RGPD4: variants seen among roughly 807,000 people sequenced by gnomAD.
RGPD4 encodes the protein ranBP2-like and GRIP domain-containing protein 4.
A neutral mutation model predicts 141.1 loss-of-function variants in RGPD4; 84 were observed. That is an observed-to-expected ratio of 0.60 (90% CI 0.50 to 0.71). The LOEUF is 0.71. Ranked by LOEUF, RGPD4 falls within the 30% of genes least tolerant of loss-of-function variation. The probability of loss-of-function intolerance (pLI) is 0.00; values close to 1 mark genes in which losing one functional copy is unlikely to be tolerated. For missense variants in RGPD4, 918 were observed against 1,622.4 expected (o/e 0.57, Z 7.46); for synonymous variants, 298 against 566.8 (o/e 0.53, Z 6.74).
chr2:107,855,880 T>C (rs1361255138), intron 8 of RGPD4, among the ~76,000 whole-genome samples: 4 of 66,870 alleles, frequency 6.0e-5, no homozygotes, highest in Non-Finnish European at 1.1e-4. Context: ...TTCACATAAA[T>C]GGAATCATAT....
In RGPD4 at chr2:107,891,711, C is replaced by T. The variant is rs1459446977; in HGVS notation, c.*980C>T. 1.8e-5 allele frequency among the ~76,000 whole-genome samples: 2 copies of T among 113,444 alleles called. No individual in the cohort carries two copies. The highest frequency in any genetic ancestry group is 6.7e-5 in the African/African-American group (2 of 29,766). The allele number at this position is 113,444 out of a possible 152,430, so 74.4% of individuals were successfully genotyped here. A position where few individuals can be genotyped will look rare whatever the true frequency, so the allele number is the denominator to read the frequency against. ...AAGCCATGAATCTGTTTTGAGAATC[C>T]TCTCCATTTTCCCAAATAAAAACCT... On this transcript the variant is annotated 3_prime_UTR_variant, in exon 23 of 23. Coordinates refer to ENST00000408999, the MANE Select transcript of RGPD4 (RefSeq NM_182588.3).
In RGPD4 at chr2:107,891,551, T is replaced by C. The variant is rs879241211; in HGVS notation, c.*820T>C. Among the ~76,000 whole-genome samples, 460 of 79,362 alleles carry C rather than the reference T, an allele frequency of 5.8e-3. 11 individuals are homozygous for C. Among genetic ancestry groups the C allele is most frequent in the African/African-American group, 0.015 (235 of 15,208 alleles). 52.1% of individuals were successfully genotyped at this position (79,362 alleles called of 152,430 possible). On this transcript the variant is annotated 3_prime_UTR_variant, in exon 23 of 23. Transcript: ENST00000408999. ...TTCTTTTTTTCTTTAAAGTATACTA[T>C]CTCAAAACTCATTATGTTGTCAGAG...
Position 107,874,179 on chromosome 2 carries a change from G to A in RGPD4, c.4924+1251G>A, listed in dbSNP as rs563905537. ...CTAATGTTTATGTTTAGCCACTAACGTCTGCCAGTATTCACATGTAGTGGC... is the reference window on the plus strand; with the variant it reads ...CTAATGTTTATGTTTAGCCACTAACATCTGCCAGTATTCACATGTAGTGGC... On this transcript the variant is annotated intron_variant, in intron 20 of 22. Transcript: ENST00000408999. Among the ~76,000 whole-genome samples the A allele has an allele frequency of 9.4e-4, 142 of 151,540 alleles. 1 individual carries two copies. Among genetic ancestry groups the A allele is most frequent in the Admixed American group, 7.5e-3 (114 of 15,248 alleles).
At chr2:107,873,574 CA>C (rs3053241) in intron 20 of RGPD4, among the ~76,000 whole-genome samples, 7,808 of 122,892 alleles carry the variant, frequency 0.064, 150 homozygotes, top group East Asian at 0.31. Flanking sequence ...ACTTTGTCTC[CA>C]AAAAAAAAAA....
At chr2:107,873,642 T>A (rs372313092) in intron 20 of RGPD4, among the ~76,000 whole-genome samples, 1 of 151,330 alleles carries the variant, frequency 6.6e-6, no homozygotes, top group African/African-American at 2.4e-5. Flanking sequence ...TGTATGTCAG[T>A]CTTGCTCATG....
intron 1 of RGPD4, among the ~76,000 whole-genome samples, chr2:107,829,779 G>GC (rs951445395): frequency 5.9e-5 from 9 of 151,962 alleles, no homozygotes; most frequent in African/African-American, 2.2e-4. Context: ...TCGCTCCTGG[G>GC]CCCGTCCTGG....
chr2:107,833,961 C>T (rs552087556), intron 1 of RGPD4, among the ~76,000 whole-genome samples: 1 of 151,558 alleles, frequency 6.6e-6, no homozygotes, highest in Non-Finnish European at 1.5e-5. Flanking sequence ...GAGCTGAGAT[C>T]GAGCCACCGC....
intron 6 of RGPD4, among the ~76,000 whole-genome samples, chr2:107,846,523 A>G (rs990323022): frequency 1.3e-5 from 2 of 151,238 alleles, no homozygotes; most frequent in African/African-American, 4.9e-5. Flanking sequence ...CTAGAGTGCA[A>G]CAGTGTGATC....
chr2:107,836,545 A>G (rs1298387143), intron 1 of RGPD4, 57 bp from the exon 2 acceptor site: 3 of 1,431,704 alleles, frequency 2.1e-6, no homozygotes, highest in African/African-American at 2.9e-5. Context: ...CTACTTTTGA[A>G]AAAATGTTGG....
chr2:107,881,648 T>G (rs896952897), intron 21 of RGPD4, among the ~76,000 whole-genome samples: 6 of 150,812 alleles, frequency 4.0e-5, no homozygotes, highest in Non-Finnish European at 8.8e-5. Flanking sequence ...TATACTCTCT[T>G]CATGATTTCT....
chr2:107,880,782 G>A (rs1007748172), intron 21 of RGPD4, among the ~76,000 whole-genome samples: 1 of 146,990 alleles, frequency 6.8e-6, no homozygotes, highest in African/African-American at 2.6e-5. Context: ...CAGTTTTCAG[G>A]TGGAGATGGC....
intron 1 of RGPD4, among the ~76,000 whole-genome samples, chr2:107,827,712 G>C (rs1681271974): frequency 1.7e-5 from 1 of 58,934 alleles, no homozygotes. Context: ...GCCTGGACCT[G>C]GCCCGGCGGC....
chr2:107,872,045 A>C lies in RGPD4; in HGVS notation c.4041A>C (p.Val1347=), dbSNP rs752332815. 3 of 1,611,582 alleles carry C rather than the reference A, an allele frequency of 1.9e-6. No individual in the cohort carries two copies. The Admixed American group carries it at 5.0e-5, about 27-fold the overall frequency. Residue 1347 remains valine, a synonymous_variant, in exon 20 of 23, where the codon GTA becomes GTC. Coordinates refer to ENST00000408999, the MANE Select transcript of RGPD4 (RefSeq NM_182588.3). ...PVVPLPDLVE[V]SSGEENEKVV... Reference sequence around the variant, plus strand: ...TTCCTTTACCTGATCTAGTTGAAGTATCCAGTGGTGAGGAAAATGAAAAAG... The same window carrying C: ...TTCCTTTACCTGATCTAGTTGAAGTCTCCAGTGGTGAGGAAAATGAAAAAG...
intron 3 of RGPD4, among the ~76,000 whole-genome samples, chr2:107,838,579 T>G (rs1371862645): frequency 1.5e-5 from 1 of 68,730 alleles, no homozygotes; most frequent in Non-Finnish European, 3.2e-5. Context: ...TGTTCTTTTG[T>G]GTTTTTTGCA....
chr2:107,854,665 T>A lies in RGPD4; in HGVS notation c.1066+22T>A, dbSNP rs1366036748. 3 of 1,346,796 alleles carry A rather than the reference T, an allele frequency of 2.2e-6. No homozygotes were observed. In the Admixed American group the frequency reaches 5.9e-5, roughly 26 times the overall value. The allele number at this position is 1,346,796 out of a possible 1,614,324, so 83.4% of individuals were successfully genotyped here. A position where few individuals can be genotyped will look rare whatever the true frequency, so the allele number is the denominator to read the frequency against. ...TCAGGTAATAGTAATATTAAACTAA[T>A]TTAATTTAAAAAGAAAAAGGAATTT... On this transcript the variant is annotated intron_variant, in intron 8 of 22. Transcript: ENST00000408999.
intron 20 of RGPD4, among the ~76,000 whole-genome samples, chr2:107,874,294 C>T (rs911112126): frequency 2.7e-5 from 4 of 150,740 alleles, no homozygotes; most frequent in Admixed American, 1.3e-4. Context: ...AAATGGACCC[C>T]GTTTTTAACA....
chr2:107,846,562 G>T (rs1346206466), intron 6 of RGPD4, among the ~76,000 whole-genome samples: 1 of 150,388 alleles, frequency 6.6e-6, no homozygotes, highest in South Asian at 2.1e-4. Flanking sequence ...TGCTTCCCAG[G>T]TTCAAGCGAT....
intron 8 of RGPD4, among the ~76,000 whole-genome samples, chr2:107,856,166 C>T (rs1290040950): frequency 1.6e-5 from 2 of 123,980 alleles, no homozygotes. Flanking sequence ...CCATTCTCCT[C>T]CCTCAGCCTC....
intron 6 of RGPD4, among the ~76,000 whole-genome samples, chr2:107,846,613 CCCA>C (rs1206104457): frequency 6.7e-6 from 1 of 148,340 alleles, no homozygotes; most frequent in Non-Finnish European, 1.5e-5. Context: ...ATTACAGGTG[CCCA>C]CCACCACGCC....
Sources: gnomAD v4.1 joint callset for allele counts (sites outside exome capture counted in the v4.1 genomes callset) on GRCh38, gnomAD v4.1.1 for gene constraint, MANE v1.5 for transcripts, NCBI Gene and HGNC (gene_info 2026-07-23, HGNC 2026-07-21) for gene names.